Variants in NFIB observed in about 807,000 individuals in gnomAD.
NFIB encodes the protein nuclear factor 1 B-type.
NFIB carries 11 observed loss-of-function variants against 61.5 expected under a neutral mutation model. That is an observed-to-expected ratio of 0.18 (90% CI 0.11 to 0.30). NFIB has a LOEUF of 0.30. Among genes scored for constraint, NFIB ranks in the 10% least tolerant of loss-of-function variants. The probability of loss-of-function intolerance (pLI) is 1.00; values close to 1 mark genes in which losing one functional copy is unlikely to be tolerated. For synonymous variants in NFIB, 260 were observed against 216.5 expected, an observed-to-expected ratio of 1.20 and a Z score of -1.76; for missense variants, 471 against 608.9, an observed-to-expected ratio of 0.77 and a Z score of 2.38.
chr9:14,313,661 A>C lies in NFIB; in HGVS notation c.-150T>G. ...GCTGGATCACCGCAACTTCACAACA[A>C]ACCCAGTCCTCCTTAAATAGCCAAA... On this transcript the variant is annotated 5_prime_UTR_variant, in exon 1 of 11. Coordinates refer to ENST00000380953, the MANE Select transcript of NFIB (RefSeq NM_001190737.2). This position sits in a 1 kb window ranked among gnomAD's most constrained non-coding sequence, Gnocchi z 4.5. The C allele has an allele frequency of 1.3e-6, 2 of 1,491,522 alleles. No individual in the cohort carries two copies. Among genetic ancestry groups the C allele is most frequent in the Non-Finnish European group, 8.9e-7 (1 of 1,120,022 alleles). The allele number at this position is 1,491,522 out of a possible 1,614,324, so 92.4% of individuals were successfully genotyped here. A position where few individuals can be genotyped will look rare whatever the true frequency, so the allele number is the denominator to read the frequency against.
At chr9:14,330,700 T>C (rs772395815) in intron 1 of NFIB, among the ~76,000 whole-genome samples, 5 of 152,140 alleles carry the variant, frequency 3.3e-5, no homozygotes, top group Non-Finnish European at 5.9e-5. Flanking sequence ...TGCTCCCAAA[T>C]GGAGGTAGAC....
intron 2 of NFIB, among the ~76,000 whole-genome samples, chr9:14,257,508 C>A (rs897207652): frequency 6.6e-6 from 1 of 152,162 alleles, no homozygotes; most frequent in Non-Finnish European, 1.5e-5. Flanking sequence ...GTAATGCCAG[C>A]ACTTTGGGAG....
intron 1 of NFIB, among the ~76,000 whole-genome samples, chr9:14,338,027 A>T (rs1255046638): frequency 6.6e-6 from 1 of 152,152 alleles, no homozygotes; most frequent in Non-Finnish European, 1.5e-5. Flanking sequence ...TTCTTTTCTT[A>T]ATATTTTTAC....
At chr9:14,113,446 A>C (rs2037681000) in intron 9 of NFIB, among the ~76,000 whole-genome samples, 1 of 152,194 alleles carries the variant, frequency 6.6e-6, no homozygotes. Context: ...AATATAAAAT[A>C]ATCAATGATG....
chr9:14,179,902 TACA>T (rs2046576671), intron 2 of NFIB, 122 bp from the exon 3 acceptor site: 2 of 809,170 alleles, frequency 2.5e-6, no homozygotes, highest in Non-Finnish European at 3.9e-6. Context: ...TTAAATAAAA[TACA>T]CTTTCCCAAG....
intron 2 of NFIB, among the ~76,000 whole-genome samples, chr9:14,248,190 T>C (rs1587908811): frequency 1.3e-5 from 2 of 151,020 alleles, no homozygotes; most frequent in South Asian, 4.2e-4. Context: ...ACCTCAGCTC[T>C]ACTTCTTTCT....
chr9:14,288,204 T>C (rs1005797957), intron 2 of NFIB, among the ~76,000 whole-genome samples: 15 of 152,026 alleles, frequency 9.9e-5, no homozygotes, highest in African/African-American at 2.7e-4. Context: ...ACATAAACAA[T>C]TGAAATACCA....
the NFIB span, among the ~76,000 whole-genome samples, chr9:14,506,920 A>G: frequency 2.0e-5 from 3 of 152,234 alleles, no homozygotes; most frequent in Admixed American, 2.0e-4. Context: ...CTTAAAAAGT[A>G]ACACAAATCA....
At chr9:14,381,831 A>G (rs1415572926) in intron 1 of NFIB, among the ~76,000 whole-genome samples, 3 of 152,280 alleles carry the variant, frequency 2.0e-5, no homozygotes, top group Non-Finnish European at 4.4e-5. Context: ...TGCCTTGCAC[A>G]TAGCAGCCAC....
intron 1 of NFIB, among the ~76,000 whole-genome samples, chr9:14,383,690 T>A (rs1179989109): frequency 6.6e-6 from 1 of 152,216 alleles, no homozygotes; most frequent in Non-Finnish European, 1.5e-5. Context: ...TAAGAGAATT[T>A]GATCACTTTG....
intron 2 of NFIB, among the ~76,000 whole-genome samples, chr9:14,244,632 A>G (rs1190792567): frequency 6.6e-6 from 1 of 152,196 alleles, no homozygotes; most frequent in Non-Finnish European, 1.5e-5. Flanking sequence ...GCCCAGTTCC[A>G]ATACTTATTA....
chr9:14,131,817 T>C (rs1350417788), intron 6 of NFIB, among the ~76,000 whole-genome samples: 1 of 152,152 alleles, frequency 6.6e-6, no homozygotes, highest in Admixed American at 6.5e-5. Context: ...AAATGTCACA[T>C]GGCACTCCAA....
At chr9:14,316,888 G>A (rs987043905), upstream of NFIB, among the ~76,000 whole-genome samples, 1 of 152,144 alleles carries the variant, frequency 6.6e-6, no homozygotes, top group African/African-American at 2.4e-5. Context: ...CATTCCCCTT[G>A]GCAGGAATGC....
At chr9:14,227,341 G>A (rs1218099649) in intron 2 of NFIB, among the ~76,000 whole-genome samples, 1 of 152,074 alleles carries the variant, frequency 6.6e-6, no homozygotes, top group African/African-American at 2.4e-5. Flanking sequence ...TAGAGCCTGT[G>A]CTTTTCATTT....
At chr9:14,401,304 T>C (rs779475992), upstream of NFIB, among the ~76,000 whole-genome samples, 10 of 152,236 alleles carry the variant, frequency 6.6e-5, no homozygotes, top group Non-Finnish European at 1.5e-4. Context: ...CTCTTCTACC[T>C]GCTCTATTTT....
At chr9:14,460,898 C>G in the NFIB span, among the ~76,000 whole-genome samples, 1 of 152,048 alleles carries the variant, frequency 6.6e-6, no homozygotes, top group South Asian at 2.1e-4. Context: ...CTTTCCCTAT[C>G]TTGTTCCATT....
intron 2 of NFIB, among the ~76,000 whole-genome samples, chr9:14,266,051 C>T (rs190987013): frequency 1.1e-3 from 169 of 152,144 alleles, no homozygotes; most frequent in African/African-American, 3.8e-3. Context: ...GTAAAAAGGT[C>T]CTGAGGGCTG....
chr9:14,094,454 G>A (rs1032367033), intron 10 of NFIB: 1 of 152,082 alleles, frequency 6.6e-6, no homozygotes, highest in African/African-American at 2.4e-5. Flanking sequence ...CACTTCAGAT[G>A]AGGCTAGCCT....
chr9:14,510,073 G>A, the NFIB span, among the ~76,000 whole-genome samples: 2 of 152,148 alleles, frequency 1.3e-5, no homozygotes, highest in East Asian at 3.9e-4. Context: ...TTTTTATATT[G>A]TTAGTAGAGA....
Sources: gnomAD v4.1 joint callset for allele counts (sites outside exome capture counted in the v4.1 genomes callset) on GRCh38, gnomAD v4.1.1 for gene constraint, Gnocchi (gnomAD v3.1) non-coding constraint, MANE v1.5 for transcripts, NCBI Gene and HGNC (gene_info 2026-07-23, HGNC 2026-07-21) for gene names.